MAGI2: variants seen among roughly 807,000 people sequenced by gnomAD.
MAGI2 encodes membrane associated guanylate kinase, WW and PDZ domain containing 2.
Under a neutral mutation model 133.3 loss-of-function variants are expected in MAGI2, and 35 were observed. The ratio of observed to expected loss-of-function variants is 0.26; its 90% CI spans 0.20 to 0.35. The LOEUF (loss-of-function observed/expected upper bound fraction) is 0.35. MAGI2 is among the 10% of genes least tolerant of loss of function. MAGI2 has a pLI of 1.00. For missense variants in MAGI2, 1,636 were observed against 1,863.4 expected, an observed-to-expected ratio of 0.88 and a Z score of 2.25; for synonymous variants, 729 against 710.6, an observed-to-expected ratio of 1.03 and a Z score of -0.41.
At chr7:79,392,967 T>G (rs748668485) in intron 1 of MAGI2, among the ~76,000 whole-genome samples, 1 of 152,212 alleles carries the variant, frequency 6.6e-6, no homozygotes, top group Non-Finnish European at 1.5e-5. Flanking sequence ...GTTAATTGTC[T>G]TCCCTCCACT....
chr7:78,086,992 T>C (rs62461183), intron 20 of MAGI2, among the ~76,000 whole-genome samples: 17,706 of 152,200 alleles, frequency 0.12, 1,351 homozygotes, highest in Non-Finnish European at 0.18. Context: ...TTCTCTGTGC[T>C]GTTCTTTTTG....
chr7:79,332,678 T>A (rs1056161510), intron 1 of MAGI2, among the ~76,000 whole-genome samples: 3 of 152,216 alleles, frequency 2.0e-5, no homozygotes, highest in Admixed American at 6.5e-5. Context: ...TAAGTCCCAA[T>A]ACTAATTTGT....
At chr7:79,266,089 AAGG>A (rs1470016547) in intron 1 of MAGI2, among the ~76,000 whole-genome samples, 2 of 152,148 alleles carry the variant, frequency 1.3e-5, no homozygotes, top group African/African-American at 4.8e-5. Context: ...ATGCAGTTAC[AAGG>A]AGATGTATCT....
intron 2 of MAGI2, among the ~76,000 whole-genome samples, chr7:78,655,148 A>C (rs542887333): frequency 6.6e-6 from 1 of 151,940 alleles, no homozygotes; most frequent in Non-Finnish European, 1.5e-5. Flanking sequence ...TTTAAAAAGA[A>C]ATTTTAAAAA....
At chr7:79,078,961 T>C (rs1815791146) in intron 1 of MAGI2, among the ~76,000 whole-genome samples, 1 of 152,190 alleles carries the variant, frequency 6.6e-6, no homozygotes, top group South Asian at 2.1e-4. Context: ...AATACTTCCA[T>C]TCTTTACTCA....
At chr7:78,919,715 T>G (rs1799081556) in intron 2 of MAGI2, among the ~76,000 whole-genome samples, 1 of 152,164 alleles carries the variant, frequency 6.6e-6, no homozygotes, top group Non-Finnish European at 1.5e-5. Flanking sequence ...GGCAGAGGTT[T>G]TGCTGAGCTT....
Position 78,627,363 on chromosome 7 carries a change from T to C in MAGI2, c.419-124A>G, listed in dbSNP as rs1808480685. 6.9e-6 allele frequency: 6 copies of C among 863,756 alleles called. No homozygotes were observed. In the South Asian group the frequency reaches 1.9e-4, roughly 27 times the overall value. 53.5% of individuals were successfully genotyped at this position (863,756 alleles called of 1,614,324 possible). On this transcript the variant is annotated intron_variant, in intron 2 of 21. Coordinates refer to ENST00000354212, the MANE Select transcript of MAGI2 (RefSeq NM_012301.4). ...TTGTACATCCTGCAAGTTGGCAGTT[T>C]GCATTTGTCCTTCTGTTTGTTTGGC...
At chr7:79,257,062 T>C (rs1044805720) in intron 1 of MAGI2, among the ~76,000 whole-genome samples, 1 of 152,098 alleles carries the variant, frequency 6.6e-6, no homozygotes, top group African/African-American at 2.4e-5. Context: ...AACCATACTT[T>C]ATGATGTAAT....
At chr7:79,296,517 A>T (rs557736461) in intron 1 of MAGI2, among the ~76,000 whole-genome samples, 1 of 152,294 alleles carries the variant, frequency 6.6e-6, no homozygotes, top group East Asian at 1.9e-4. Context: ...AACAGAACAA[A>T]ATCCTATCAT....
intron 7 of MAGI2, among the ~76,000 whole-genome samples, chr7:78,364,214 T>C (rs1185651766): frequency 6.6e-6 from 1 of 152,208 alleles, no homozygotes; most frequent in East Asian, 1.9e-4. Context: ...AAAAGGGTAT[T>C]CTTTTATGTT....
chr7:78,287,858 C>CAATT (rs2151030476), intron 9 of MAGI2, among the ~76,000 whole-genome samples: 1 of 152,226 alleles, frequency 6.6e-6, no homozygotes, highest in Admixed American at 6.5e-5. Flanking sequence ...TACTCATTGA[C>CAATT]AATTATAATA....
At chr7:78,576,795 T>A (rs934656443) in intron 3 of MAGI2, among the ~76,000 whole-genome samples, 2 of 152,156 alleles carry the variant, frequency 1.3e-5, no homozygotes, top group Non-Finnish European at 2.9e-5. Context: ...GTCTTCCATG[T>A]CATGTAAAAC....
At chr7:79,322,155 T>C (rs1839230260) in intron 1 of MAGI2, among the ~76,000 whole-genome samples, 1 of 152,122 alleles carries the variant, frequency 6.6e-6, no homozygotes. Context: ...GTTCAAATCA[T>C]CCTCATTTAG....
chr7:79,027,472 T>C (rs1259699503), intron 1 of MAGI2, among the ~76,000 whole-genome samples: 1 of 152,086 alleles, frequency 6.6e-6, no homozygotes, highest in Non-Finnish European at 1.5e-5. Flanking sequence ...AAGTGCCACA[T>C]GTTTTCGCTT....
At chr7:78,552,176 C>CTTTTTTTT (rs869196799) in intron 3 of MAGI2, among the ~76,000 whole-genome samples, 1 of 90,344 alleles carries the variant, frequency 1.1e-5, no homozygotes, top group Non-Finnish European at 2.1e-5. Flanking sequence ...ATTTGTTTTC[C>CTTTTTTTT]TTTTTTTTTT....
intron 2 of MAGI2, among the ~76,000 whole-genome samples, chr7:78,922,169 T>TA (rs1442967104): frequency 5.3e-5 from 8 of 151,388 alleles, no homozygotes; most frequent in African/African-American, 1.9e-4. Flanking sequence ...TTTTATTTTT[T>TA]TTTTTGGCAT....
chr7:79,194,754 C>T (rs897754995), intron 1 of MAGI2, among the ~76,000 whole-genome samples: 9 of 151,058 alleles, frequency 6.0e-5, no homozygotes, highest in African/African-American at 1.7e-4. Context: ...ATGAGAATTT[C>T]GTTTCTCTTA....
At chr7:79,257,687 A>C (rs1043641839) in intron 1 of MAGI2, among the ~76,000 whole-genome samples, 1 of 152,226 alleles carries the variant, frequency 6.6e-6, no homozygotes, top group Admixed American at 6.5e-5. Flanking sequence ...AAGTTAAAGT[A>C]CTGGGGACTG....
chr7:78,589,061 C>G (rs544737282), intron 3 of MAGI2, among the ~76,000 whole-genome samples: 1 of 152,244 alleles, frequency 6.6e-6, no homozygotes, highest in African/African-American at 2.4e-5. Flanking sequence ...TGTGGTTTAT[C>G]TCAAAAAGAA....
Sources: allele counts gnomAD v4.1 joint callset (sites outside exome capture counted in the v4.1 genomes callset), GRCh38; gene constraint gnomAD v4.1.1; transcripts MANE v1.5; gene names NCBI Gene and HGNC (gene_info 2026-07-23, HGNC 2026-07-21).